Variants in OXNAD1 observed in about 807,000 individuals in gnomAD.
OXNAD1 encodes oxidoreductase NAD binding domain containing 1.
In OXNAD1, 34 loss-of-function variants were observed where a neutral mutation model predicts 32.9. The ratio of observed to expected loss-of-function variants is 1.03; its 90% confidence interval spans 0.79 to 1.38. The LOEUF is 1.38. Ranked by LOEUF, OXNAD1 falls within the 40% of genes most tolerant of loss-of-function variation. The pLI is 0.00. For missense variants in OXNAD1, 407 were observed against 379.4 expected (o/e 1.07, Z -0.60); for synonymous variants, 134 against 135.2 (o/e 0.99, Z 0.06).
chr3:16,268,543 C>G (rs1401147005), intron 1 of OXNAD1, among the ~76,000 whole-genome samples: 1 of 151,820 alleles, frequency 6.6e-6, no homozygotes, highest in African/African-American at 2.4e-5. Flanking sequence ...GTTGACCAGG[C>G]TGGTCTCAAA....
rs773303927 is a variant in OXNAD1, at chr3:16,322,024, G to C, written c.*31-15088G>C. On this transcript the variant is annotated intron_variant, in intron 9 of 9. Transcript: ENST00000435829. This position sits in a 1 kb window ranked among gnomAD's most constrained non-coding sequence, Gnocchi z 6.2. The stretch of plus-strand genomic sequence containing the variant: ...ATCTCCCTCTGTAAGGCTGCAGCGG[G>C]TGTCTGTCAGCATCTGACAGGGGCC... Among the ~76,000 whole-genome samples the C allele has an allele frequency of 2.0e-5, 3 of 152,242 alleles. No individual in the cohort carries two copies. Among genetic ancestry groups the C allele is most frequent in the Non-Finnish European group, 4.4e-5 (3 of 68,050 alleles).
intron 4 of OXNAD1, among the ~76,000 whole-genome samples, chr3:16,282,820 C>CTT (rs11379565): frequency 0.24 from 17,285 of 71,942 alleles, 4,117 homozygotes; most frequent in African/African-American, 0.47. Flanking sequence ...GGACTTTCAG[C>CTT]TTTTTTTTTT....
chr3:16,276,389 A>AG (rs774263161), intron 4 of OXNAD1: 2 of 191,858 alleles, frequency 1.0e-5, no homozygotes, highest in Non-Finnish European at 2.2e-5. Context: ...CTTCAGGCAG[A>AG]GGAAAAAGTT....
chr3:16,347,007 G>A (rs2071766219), intron 9 of OXNAD1, among the ~76,000 whole-genome samples: 1 of 152,188 alleles, frequency 6.6e-6, no homozygotes, highest in African/African-American at 2.4e-5. Flanking sequence ...TGGATTTCCT[G>A]CTATGAACGG....
Position 16,302,590 on chromosome 3 carries a change from G to C in OXNAD1, c.676-50G>C, listed in dbSNP as rs369064428. 1.1e-5 allele frequency: 14 copies of C among 1,315,106 alleles called. No homozygotes were observed. The African/African-American group carries it at 2.1e-4, about 19-fold the overall frequency. The allele number at this position is 1,315,106 out of a possible 1,614,324, so 81.5% of individuals were successfully genotyped here. On this transcript the variant is annotated intron_variant, in intron 7 of 8. Transcript: ENST00000285083. This position sits in a 1 kb window ranked among gnomAD's most constrained non-coding sequence, Gnocchi z 4.2. ...TCAGCGTCAATGGTTGTGCACATCT[G>C]TTTTGATTTTTTAAAATTGTAGTGT...
At chr3:16,325,573 GGGTT>G (rs2069608895) in intron 9 of OXNAD1, among the ~76,000 whole-genome samples, 1 of 152,162 alleles carries the variant, frequency 6.6e-6, no homozygotes, top group African/African-American at 2.4e-5. Flanking sequence ...CTGAAGACTT[GGGTT>G]CAAGTCTTCA....
chr3:16,303,437 GATC>G lies in OXNAD1; in HGVS notation c.817_819del (p.His273del), dbSNP rs2067325705. 1.2e-6 allele frequency: 2 copies of G among 1,613,962 alleles called. No individual in the cohort carries two copies. Among genetic ancestry groups the G allele is most frequent in the African/African-American group, 1.3e-5 (1 of 75,036 alleles). On this transcript the variant is annotated inframe_deletion, in exon 9 of 9. Coordinates refer to ENST00000285083, the MANE Select transcript of OXNAD1 (RefSeq NM_138381.5). This position sits in a 1 kb window ranked among gnomAD's most constrained non-coding sequence, Gnocchi z 4.8. The stretch of plus-strand genomic sequence containing the variant: ...AAGAATAACGGAGAAGGAGATAAGA[GATC>G]ATATTTCAAAAGAGACTTTGTTCTA...
Position 16,320,354 on chromosome 3 carries a change from C to T in OXNAD1, c.*31-16758C>T, listed in dbSNP as rs942515584. On this transcript the variant is annotated intron_variant, in intron 9 of 9. Coordinates refer to the OXNAD1 transcript ENST00000435829. The surrounding 1 kb of genome is among the most constrained non-coding windows in gnomAD (Gnocchi z 4.5). Reference sequence around the variant, plus strand: ...AAAAGAAGACTAAATATGCCACATCCTCGGTGTGCCAATCTTGCAGTTTCT... The same window carrying T: ...AAAAGAAGACTAAATATGCCACATCTTCGGTGTGCCAATCTTGCAGTTTCT... Among the ~76,000 whole-genome samples, 1 of 152,224 alleles carries T rather than the reference C, an allele frequency of 6.6e-6. No individual in the cohort carries two copies. The highest frequency in any genetic ancestry group is 1.5e-5 in the Non-Finnish European group (1 of 68,046).
rs1407237030 is a variant in OXNAD1 at position 16,334,125 on chromosome 3, A to G, written c.*31-2987A>G. Among the ~76,000 whole-genome samples the G allele has an allele frequency of 1.3e-5, 2 of 152,244 alleles. No individual in the cohort carries two copies. The highest frequency in any genetic ancestry group is 2.9e-5 in the Non-Finnish European group (2 of 68,040). ...AGCTGCAGTGAGCCGAGATCGTGCC[A>G]CTGCACTCCAGCCTGGGCGACAGAG... is the stretch of plus-strand genomic sequence containing the variant. On this transcript the variant is annotated intron_variant, in intron 9 of 9. Coordinates refer to the OXNAD1 transcript ENST00000435829. The surrounding 1 kb of genome is among the most constrained non-coding windows in gnomAD (Gnocchi z 4.3).
At chr3:16,276,860 G>A (rs2065367320) in intron 4 of OXNAD1, among the ~76,000 whole-genome samples, 1 of 151,472 alleles carries the variant, frequency 6.6e-6, no homozygotes, top group African/African-American at 2.4e-5. Flanking sequence ...ATCCAATCAT[G>A]GTACTACCTT....
chr3:16,344,392 C>T lies in OXNAD1; in HGVS notation c.*31-4784C>T, dbSNP rs943041740. Among the ~76,000 whole-genome samples, 1 of 151,428 alleles carries T rather than the reference C, an allele frequency of 6.6e-6. No individual in the cohort carries two copies. The highest frequency in any genetic ancestry group is 2.4e-5 in the African/African-American group (1 of 41,110). On this transcript the variant is annotated intron_variant, in intron 9 of 9. Transcript: ENST00000606098. The surrounding 1 kb of genome is among the most constrained non-coding windows in gnomAD (Gnocchi z 4.4). Reference sequence around the variant, plus strand: ...CATCAACTATAATCTAATTTAGAAACAACATGTAAAAACAGATACATTCAG... The same window carrying T: ...CATCAACTATAATCTAATTTAGAAATAACATGTAAAAACAGATACATTCAG...
chr3:16,321,451 G>C lies in OXNAD1; in HGVS notation c.*31-15661G>C, dbSNP rs2069044735. Among the ~76,000 whole-genome samples the C allele has an allele frequency of 1.3e-5, 2 of 152,170 alleles. No homozygotes were observed. Among genetic ancestry groups the C allele is most frequent in the Non-Finnish European group, 1.5e-5 (1 of 68,022 alleles). On this transcript the variant is annotated intron_variant, in intron 9 of 9. Coordinates refer to the OXNAD1 transcript ENST00000435829. The surrounding 1 kb of genome is among the most constrained non-coding windows in gnomAD (Gnocchi z 4.8). The stretch of plus-strand genomic sequence containing the variant: ...ATCCGGGCTGCAAGAGCTCAGGCAT[G>C]ATGAGGACTAGATGGAGTGACTCTC...
Position 16,335,537 on chromosome 3 carries a change from C to A in OXNAD1, c.*31-1575C>A, listed in dbSNP as rs2070758965. The stretch of plus-strand genomic sequence containing the variant: ...CAGAAAATCAAACACCACATGTTCT[C>A]ACTTACAAGTGGGAGAGCTGAACGG... On this transcript the variant is annotated intron_variant, in intron 9 of 9. Coordinates refer to the OXNAD1 transcript ENST00000435829. This position sits in a 1 kb window ranked among gnomAD's most constrained non-coding sequence, Gnocchi z 4.7. 1.3e-5 allele frequency among the ~76,000 whole-genome samples: 2 copies of A among 152,208 alleles called. No homozygotes were observed. Among genetic ancestry groups the A allele is most frequent in the Non-Finnish European group, 2.9e-5 (2 of 68,038 alleles).
chr3:16,326,431 A>C (rs1037825762), intron 9 of OXNAD1, among the ~76,000 whole-genome samples: 6 of 152,216 alleles, frequency 3.9e-5, no homozygotes, highest in African/African-American at 1.4e-4. Context: ...TTTATATATA[A>C]AGTGCCTACC....
At chr3:16,285,944 G>C (rs1346721615) in intron 4 of OXNAD1, among the ~76,000 whole-genome samples, 3 of 152,120 alleles carry the variant, frequency 2.0e-5, no homozygotes, top group African/African-American at 7.2e-5. Flanking sequence ...ACTTTGCCCA[G>C]TGCTGATGGA....
At chr3:16,308,519 A>ATAATT (rs1312428789), downstream of OXNAD1, among the ~76,000 whole-genome samples, 1 of 152,180 alleles carries the variant, frequency 6.6e-6, no homozygotes, top group Non-Finnish European at 1.5e-5. This position sits in a 1 kb window ranked among gnomAD's most constrained non-coding sequence, Gnocchi z 4.4. Flanking sequence ...AGATGATCTG[A>ATAATT]TAATTTAACC....
intron 4 of OXNAD1, among the ~76,000 whole-genome samples, chr3:16,285,188 G>A (rs2065989399): frequency 6.6e-6 from 1 of 152,210 alleles, no homozygotes; most frequent in African/African-American, 2.4e-5. Flanking sequence ...GGTGGTGAGA[G>A]AGACCACCAT....
In OXNAD1 at chr3:16,314,296, GA is replaced by G. The variant is rs2068181761; in HGVS notation, c.*30+10707del. 6.6e-6 allele frequency: 1 copy of G among 152,158 alleles called. No individual in the cohort carries two copies. Among genetic ancestry groups the G allele is most frequent in the Non-Finnish European group, 1.5e-5 (1 of 68,022 alleles). The allele number at this position is 152,158 out of a possible 1,614,324, so 9.4% of individuals were successfully genotyped here. On this transcript the variant is annotated intron_variant, in intron 9 of 9. Coordinates refer to the OXNAD1 transcript ENST00000435829. This position sits in a 1 kb window ranked among gnomAD's most constrained non-coding sequence, Gnocchi z 4.4. Reference sequence around the variant, plus strand: ...ATTTCCTTCAGAAATGCCTCCACTTGAAATGTACATGCAGGATGTTGAGAAT... The same window carrying G: ...ATTTCCTTCAGAAATGCCTCCACTTGAATGTACATGCAGGATGTTGAGAAT...
At position 16,335,384 on chromosome 3, in the gene OXNAD1, G is replaced by T. The variant is rs2070746019; in HGVS notation, c.*31-1728G>T. ...CTGCATGGGAAACAGGCTTAAGAAG[G>T]GAGTTTGTACCACATTTTCTTTATC... is the stretch of plus-strand genomic sequence containing the variant. On this transcript the variant is annotated intron_variant, in intron 9 of 9. Transcript: ENST00000435829. This position sits in a 1 kb window ranked among gnomAD's most constrained non-coding sequence, Gnocchi z 4.7. 6.6e-6 allele frequency among the ~76,000 whole-genome samples: 1 copy of T among 152,144 alleles called. No homozygotes were observed. The highest frequency in any genetic ancestry group is 1.9e-4 in the East Asian group (1 of 5,206).
Sources: allele counts gnomAD v4.1 joint callset (sites outside exome capture counted in the v4.1 genomes callset), GRCh38; gene constraint gnomAD v4.1.1; non-coding constraint Gnocchi (gnomAD v3.1); transcripts MANE v1.5; gene names NCBI Gene and HGNC (gene_info 2026-07-23, HGNC 2026-07-21).